The following NKAIN3 variants were observed in gnomAD, a reference collection of about 807,000 sequenced individuals.
NKAIN3 encodes the protein sodium/potassium transporting ATPase interacting 3, also known as sodium/potassium-transporting ATPase subunit beta-1-interacting protein 3.
A neutral mutation model predicts 30.2 loss-of-function variants in NKAIN3; 25 were observed. The observed-to-expected ratio is 0.83, with a 90% confidence interval of 0.60 to 1.16. The LOEUF is 1.16. NKAIN3 is among the 50% of genes most tolerant of loss of function. NKAIN3 has a pLI of 0.00. For synonymous variants in NKAIN3, 91 were observed against 89.6 expected, an observed-to-expected ratio of 1.02 and a Z score of -0.09; for missense variants, 225 against 254.1, an observed-to-expected ratio of 0.89 and a Z score of 0.78.
chr8:62,490,715 C>T (rs753158983), intron 1 of NKAIN3, among the ~76,000 whole-genome samples: 6 of 152,062 alleles, frequency 3.9e-5, no homozygotes, highest in Admixed American at 6.6e-5. Context: ...ATGGCCCAGC[C>T]CATCACGATG....
At chr8:62,853,651 A>G (rs1189496693) in intron 4 of NKAIN3, among the ~76,000 whole-genome samples, 1 of 152,136 alleles carries the variant, frequency 6.6e-6, no homozygotes, top group Non-Finnish European at 1.5e-5. Flanking sequence ...TTTCTCCAGG[A>G]AAAGCAGCTC....
At position 62,419,042 on chromosome 8, in the gene NKAIN3, A is replaced by G. The variant is rs1417403920; in HGVS notation, c.55-160497A>G. Among the ~76,000 whole-genome samples the G allele has an allele frequency of 3.9e-5, 6 of 152,274 alleles. No individual in the cohort carries two copies. The East Asian group carries it at 1.2e-3, about 29-fold the overall frequency. On this transcript the variant is annotated intron_variant, in intron 1 of 6. Coordinates refer to ENST00000623646, the MANE Select transcript of NKAIN3 (RefSeq NM_001304533.3). ...TACAAGTGGGTCATTGAGTGGTGGT[A>G]AAAGGAGCCAGTCTTACTTCTATCT...
chr8:62,761,929 G>T (rs1242782547), intron 4 of NKAIN3, among the ~76,000 whole-genome samples: 1 of 152,090 alleles, frequency 6.6e-6, no homozygotes, highest in Non-Finnish European at 1.5e-5. Flanking sequence ...ACTTCCTCTA[G>T]ATATCTACTC....
Position 62,305,593 on chromosome 8 carries a change from A to G in NKAIN3, c.54+56466A>G, listed in dbSNP as rs986356855. Among the ~76,000 whole-genome samples the G allele has an allele frequency of 2.7e-5, 4 of 150,484 alleles. 1 individual carries two copies. The highest frequency in any genetic ancestry group is 7.5e-5 in the African/African-American group (3 of 39,894). ...TTTCTTTCTAGAAATTATGGAAGCT[A>G]TCTATACTCTTTCCCTGCATGTCCT... is the stretch of plus-strand genomic sequence containing the variant. On this transcript the variant is annotated intron_variant, in intron 1 of 6. Coordinates refer to ENST00000623646, the MANE Select transcript of NKAIN3 (RefSeq NM_001304533.3).
At chr8:62,952,373 C>G (rs1349897889) in intron 5 of NKAIN3, among the ~76,000 whole-genome samples, 1 of 152,016 alleles carries the variant, frequency 6.6e-6, no homozygotes, top group Non-Finnish European at 1.5e-5. Context: ...ACTATTTTAC[C>G]AATGAAAACA....
At chr8:62,722,692 T>C (rs907266069) in intron 3 of NKAIN3, among the ~76,000 whole-genome samples, 10 of 151,096 alleles carry the variant, frequency 6.6e-5, no homozygotes, top group Non-Finnish European at 1.0e-4. Context: ...GATGTGGGAG[T>C]TTCATCTCAG....
chr8:62,312,572 C>T lies in NKAIN3; in HGVS notation c.54+63445C>T, dbSNP rs115506341. Among the ~76,000 whole-genome samples, 1,080 of 150,468 alleles carry T rather than the reference C, an allele frequency of 7.2e-3. 111 individuals are homozygous for T. Among genetic ancestry groups the T allele is most frequent in the African/African-American group, 0.026 (1,025 of 39,814 alleles). On this transcript the variant is annotated intron_variant, in intron 1 of 6. Transcript: ENST00000623646. ...ATGGCTCACGTCTGTAATACTAACA[C>T]TTTGGAAAACTGAGTCAGGAAGATC...
intron 1 of NKAIN3, among the ~76,000 whole-genome samples, chr8:62,308,074 G>A (rs999519456): frequency 6.6e-6 from 1 of 150,562 alleles, no homozygotes; most frequent in Admixed American, 6.6e-5. Context: ...AGGAAGAAAA[G>A]ACAAGGCAGA....
chr8:62,438,216 G>T (rs929376137), intron 1 of NKAIN3, among the ~76,000 whole-genome samples: 1 of 152,128 alleles, frequency 6.6e-6, no homozygotes, highest in African/African-American at 2.4e-5. Flanking sequence ...TCTTGTCTGT[G>T]CTGCTTTCTG....
chr8:62,884,627 C>A (rs1821089854), intron 4 of NKAIN3, among the ~76,000 whole-genome samples: 1 of 152,080 alleles, frequency 6.6e-6, no homozygotes, highest in Admixed American at 6.6e-5. Flanking sequence ...GAGCTTGGTG[C>A]TTTTTGTTTG....
At chr8:62,770,397 C>G (rs1467385513) in intron 4 of NKAIN3, among the ~76,000 whole-genome samples, 1 of 152,168 alleles carries the variant, frequency 6.6e-6, no homozygotes, top group Non-Finnish European at 1.5e-5. Context: ...GTAGTTTAAA[C>G]AACAAACCTG....
chr8:62,887,893 CCTTT>C lies in NKAIN3; in HGVS notation c.472-30559_472-30556del, dbSNP rs570281139. 1.5e-4 allele frequency among the ~76,000 whole-genome samples: 23 copies of C among 152,242 alleles called. No individual in the cohort carries two copies. The South Asian group carries it at 4.8e-3, about 32-fold the overall frequency. ...ATTTCTGAGTCTGGCTCTGATACTT[CCTTT>C]GTCTCTTCAAACTAAGAAGTTTGAA... is the stretch of plus-strand genomic sequence containing the variant. On this transcript the variant is annotated intron_variant, in intron 4 of 6. Coordinates refer to ENST00000623646, the MANE Select transcript of NKAIN3 (RefSeq NM_001304533.3).
intron 3 of NKAIN3, among the ~76,000 whole-genome samples, chr8:62,636,278 C>G (rs936776803): frequency 6.6e-6 from 1 of 152,122 alleles, no homozygotes; most frequent in African/African-American, 2.4e-5. Flanking sequence ...TCATGATGAA[C>G]TATTAAATGA....
intron 3 of NKAIN3, among the ~76,000 whole-genome samples, chr8:62,736,344 A>C (rs536241313): frequency 6.6e-6 from 1 of 152,278 alleles, no homozygotes; most frequent in South Asian, 2.1e-4. Context: ...TCCTTGGGCA[A>C]GTCTTGCTGT....
At position 62,250,735 on chromosome 8, in the gene NKAIN3, T is replaced by G. The variant is rs1812075547; in HGVS notation, c.54+1608T>G. Among the ~76,000 whole-genome samples, 3 of 152,224 alleles carry G rather than the reference T, an allele frequency of 2.0e-5. No homozygotes were observed. In the South Asian group the frequency reaches 6.2e-4, roughly 31 times the overall value. On this transcript the variant is annotated intron_variant, in intron 1 of 6. Coordinates refer to ENST00000623646, the MANE Select transcript of NKAIN3 (RefSeq NM_001304533.3). ...ATTGTGATGATAATGTTTTTGAGAT[T>G]TCATCCATCAGCCAAGCATGCCCCT...
chr8:62,644,998 T>G (rs1352775142), intron 3 of NKAIN3, among the ~76,000 whole-genome samples: 1 of 152,160 alleles, frequency 6.6e-6, no homozygotes, highest in African/African-American at 2.4e-5. Context: ...AGAGGGAAAT[T>G]ATGTAGCAAA....
At chr8:62,606,930 A>G (rs1811148815) in intron 3 of NKAIN3, among the ~76,000 whole-genome samples, 1 of 152,154 alleles carries the variant, frequency 6.6e-6, no homozygotes, top group Non-Finnish European at 1.5e-5. Context: ...CCTACATACA[A>G]TTAATGCTGC....
At chr8:62,484,771 A>G (rs1806844857) in intron 1 of NKAIN3, among the ~76,000 whole-genome samples, 1 of 152,186 alleles carries the variant, frequency 6.6e-6, no homozygotes, top group Non-Finnish European at 1.5e-5. Flanking sequence ...GTCTTGGGCC[A>G]TCACTTTCTG....
chr8:62,449,447 T>C lies in NKAIN3; in HGVS notation c.55-130092T>C, dbSNP rs561583463. Among the ~76,000 whole-genome samples, 23 of 152,198 alleles carry C rather than the reference T, an allele frequency of 1.5e-4. No individual in the cohort carries two copies. The South Asian group carries it at 4.6e-3, about 30-fold the overall frequency. ...GAAGCACTCAGGACTGTCAAAATTATTTCTTTCATATATATGTCACCATGC... is the reference window on the plus strand; with the variant it reads ...GAAGCACTCAGGACTGTCAAAATTACTTCTTTCATATATATGTCACCATGC... On this transcript the variant is annotated intron_variant, in intron 1 of 6. Transcript: ENST00000623646.
Sources: allele counts gnomAD v4.1 joint callset (sites outside exome capture counted in the v4.1 genomes callset), GRCh38; gene constraint gnomAD v4.1.1; transcripts MANE v1.5; gene names NCBI Gene and HGNC (gene_info 2026-07-23, HGNC 2026-07-21).